Variants in MYEF2 observed in about 807,000 individuals in gnomAD.
MYEF2 encodes the protein myelin gene expression factor 2.
In MYEF2, 37 loss-of-function variants were observed where a neutral mutation model predicts 75.2. That is an observed-to-expected ratio of 0.49 (90% CI 0.38 to 0.65). The LOEUF (loss-of-function observed/expected upper bound fraction) is 0.65, where lower values mean the gene tolerates loss of function less well. MYEF2 is among the 30% of genes least tolerant of loss of function. The probability of loss-of-function intolerance (pLI) is 0.00; values close to 1 mark genes in which losing one functional copy is unlikely to be tolerated. For missense variants in MYEF2, 634 were observed against 771.4 expected, an observed-to-expected ratio of 0.82 and a Z score of 2.11; for synonymous variants, 195 against 241.6, an observed-to-expected ratio of 0.81 and a Z score of 1.79.
rs886300139 is a variant in MYEF2, at chr15:48,173,139, T to C, written c.162-4300A>G. On this transcript the variant is annotated intron_variant, in intron 1 of 16. Transcript: ENST00000324324. The stretch of plus-strand genomic sequence containing the variant: ...TAAATTCAACAGCACATTAAAAGGA[T>C]CATACACCATAATCAAATGGTATCT... 3.3e-5 allele frequency among the ~76,000 whole-genome samples: 5 copies of C among 152,136 alleles called. No individual in the cohort carries two copies. The East Asian group carries it at 9.6e-4, about 29-fold the overall frequency.
intron 13 of MYEF2, 23 bp from the exon 14 acceptor site, chr15:48,151,194 T>C (rs1240387990): frequency 6.4e-7 from 1 of 1,561,678 alleles, no homozygotes. Context: ...GGAAAGATAA[T>C]ATACTAATTA....
rs1489342875 is a variant in MYEF2, at chr15:48,141,763, T to G, written c.*1145A>C. 8.4e-6 allele frequency: 2 copies of G among 237,250 alleles called. No homozygotes were observed. The highest frequency in any genetic ancestry group is 1.7e-4 in the East Asian group (2 of 11,860). The allele number at this position is 237,250 out of a possible 1,614,324, so 14.7% of individuals were successfully genotyped here. On this transcript the variant is annotated 3_prime_UTR_variant, in exon 17 of 17. Coordinates refer to ENST00000324324, the MANE Select transcript of MYEF2 (RefSeq NM_016132.5). The stretch of plus-strand genomic sequence containing the variant: ...AAATAGTAATTAACCATTAACCATG[T>G]TAAATTACAATGAAAAGCAACAAAT...
In MYEF2 at chr15:48,149,147, ATATT is replaced by A. The variant is rs770397206; in HGVS notation, c.1587+12_1587+15del. On this transcript the variant is annotated intron_variant, in intron 15 of 16. Transcript: ENST00000324324. This position sits in a 1 kb window ranked among gnomAD's most constrained non-coding sequence, Gnocchi z 4.0. ...AAAAAAAGAATTTGAATTATCCTTA[ATATT>A]TATTTGCTTACATTTCTGACAAATA... The A allele has an allele frequency of 6.2e-7, 1 of 1,612,986 alleles. No homozygotes were observed. The highest frequency in any genetic ancestry group is 8.5e-7 in the Non-Finnish European group (1 of 1,179,170).
intron 6 of MYEF2, 62 bp downstream of exon 6, chr15:48,159,551 T>C: frequency 7.0e-7 from 1 of 1,418,626 alleles, no homozygotes; most frequent in Non-Finnish European, 9.7e-7. Context: ...CTATAACTCA[T>C]TCATTTAATC....
At chr15:48,165,734 A>G (rs1430870840) in intron 5 of MYEF2, among the ~76,000 whole-genome samples, 199 bp downstream of exon 5, 1 of 151,980 alleles carries the variant, frequency 6.6e-6, no homozygotes, top group African/African-American at 2.4e-5. Flanking sequence ...CTTGGAACCA[A>G]TCAAGTATAT....
At chr15:48,166,211 T>C (rs1364424986) in intron 3 of MYEF2, 83 bp from the exon 4 acceptor site, 7 of 1,118,832 alleles carry the variant, frequency 6.3e-6, no homozygotes, top group Non-Finnish European at 9.0e-6. Flanking sequence ...AGTTCTAACA[T>C]TTCAATCATT....
In MYEF2 at chr15:48,152,012, T is replaced by A. The variant is rs924305373; in HGVS notation, c.1139-70A>T. ...AGCTGAAAGGTACGTTTTGTAAATG[T>A]TAAATCTCACCAGTAAGCTCTTCAT... On this transcript the variant is annotated intron_variant, in intron 11 of 16. Transcript: ENST00000324324. The A allele has an allele frequency of 4.0e-6, 6 of 1,484,856 alleles. No individual in the cohort carries two copies. The South Asian group carries it at 5.7e-5, about 14-fold the overall frequency. 92.0% of individuals were successfully genotyped at this position (1,484,856 alleles called of 1,614,324 possible). A position where few individuals can be genotyped will look rare whatever the true frequency, so the allele number is the denominator to read the frequency against.
intron 16 of MYEF2, 149 bp downstream of exon 16, chr15:48,148,883 T>C (rs1198099617): frequency 9.3e-6 from 7 of 752,152 alleles, no homozygotes; most frequent in African/African-American, 5.3e-5. Flanking sequence ...ATTCATTTAT[T>C]TGAAGTGGAA....
chr15:48,151,757 G>A, intron 12 of MYEF2, 117 bp downstream of exon 12: 1 of 1,253,494 alleles, frequency 8.0e-7, no homozygotes, highest in Non-Finnish European at 1.2e-6. Context: ...TTATCCCCTA[G>A]TGCCTATATG....
At chr15:48,164,424 T>C (rs1431474733) in intron 5 of MYEF2, among the ~76,000 whole-genome samples, 3 of 151,510 alleles carry the variant, frequency 2.0e-5, no homozygotes, top group Admixed American at 6.6e-5. Context: ...GCAAAGAAAG[T>C]CATTTCTTGA....
At chr15:48,172,014 A>G (rs902397737) in intron 1 of MYEF2, among the ~76,000 whole-genome samples, 1 of 152,234 alleles carries the variant, frequency 6.6e-6, no homozygotes, top group Non-Finnish European at 1.5e-5. Context: ...TTTTAAAAGT[A>G]TAATGGTGTA....
chr15:48,154,702 T>C (rs955601112), intron 9 of MYEF2, among the ~76,000 whole-genome samples: 4 of 152,028 alleles, frequency 2.6e-5, no homozygotes, highest in African/African-American at 9.7e-5. Context: ...ATTGAGAGAA[T>C]TTACTAATAA....
chr15:48,152,406 G>T, intron 10 of MYEF2, 122 bp from the exon 11 acceptor site: 1 of 806,862 alleles, frequency 1.2e-6, no homozygotes, highest in East Asian at 2.5e-5. Flanking sequence ...CTAGAGAAGC[G>T]GTAGGGTACA....
intron 3 of MYEF2, among the ~76,000 whole-genome samples, chr15:48,166,463 C>A (rs907153421): frequency 6.6e-6 from 1 of 151,870 alleles, no homozygotes; most frequent in African/African-American, 2.4e-5. Context: ...CTCCAATAGA[C>A]CTATCCTTCT....
rs2039131687 is a variant in MYEF2, at chr15:48,142,722, A to G, written c.*186T>C. On this transcript the variant is annotated 3_prime_UTR_variant, in exon 17 of 17. Transcript: ENST00000324324. ...TGAATGACCAGACTTGCTGTCTTTA[A>G]AAACCCAAACTTGAGATTAACAAAA... 3.5e-6 allele frequency: 2 copies of G among 577,298 alleles called. No homozygotes were observed. Among genetic ancestry groups the G allele is most frequent in the Admixed American group, 7.8e-5 (2 of 25,738 alleles). The allele number at this position is 577,298 out of a possible 1,614,324, so 35.8% of individuals were successfully genotyped here.
chr15:48,157,738 T>TATA, intron 9 of MYEF2: 1 of 1,171,910 alleles, frequency 8.5e-7, no homozygotes, highest in Non-Finnish European at 1.1e-6. Flanking sequence ...TTCCTTCAAG[T>TATA]GTATAAATTT....
At chr15:48,146,871 T>C (rs1322904757) in intron 16 of MYEF2, among the ~76,000 whole-genome samples, 3 of 152,044 alleles carry the variant, frequency 2.0e-5, no homozygotes, top group Non-Finnish European at 4.4e-5. Flanking sequence ...AGATAATTTG[T>C]ATAGTTGTCA....
chr15:48,165,646 C>T (rs2040106536), intron 5 of MYEF2, among the ~76,000 whole-genome samples: 2 of 151,880 alleles, frequency 1.3e-5, no homozygotes. Flanking sequence ...ACCAAATAAA[C>T]TTAGCACCTA....
At chr15:48,152,580 C>T (rs1458885326) in intron 10 of MYEF2, 1 of 310,388 alleles carries the variant, frequency 3.2e-6, no homozygotes. Context: ...CTTTTTTTTC[C>T]ACAATAAACA....
Sources: allele counts gnomAD v4.1 joint callset (sites outside exome capture counted in the v4.1 genomes callset), GRCh38; gene constraint gnomAD v4.1.1; non-coding constraint Gnocchi (gnomAD v3.1); transcripts MANE v1.5; gene names NCBI Gene and HGNC (gene_info 2026-07-23, HGNC 2026-07-21).